URM1: variants seen among roughly 807,000 people sequenced by gnomAD.
URM1 encodes ubiquitin related modifier 1.
URM1 carries 11 observed loss-of-function variants against 17.7 expected under a neutral mutation model. The ratio of observed to expected loss-of-function variants is 0.62; its 90% CI spans 0.39 to 1.03. The LOEUF (loss-of-function observed/expected upper bound fraction) is 1.03, where lower values mean the gene tolerates loss of function less well. Among genes scored for constraint, URM1 ranks in the 50% least tolerant of loss-of-function variants. The pLI is 0.00. For synonymous variants in URM1, 48 were observed against 50.6 expected (o/e 0.95, Z 0.22); for missense variants, 128 against 129.2 (o/e 0.99, Z 0.04).
chr9:128,388,639 G>T (rs1201251338), intron 3 of URM1: 1 of 986,380 alleles, frequency 1.0e-6, no homozygotes, highest in Non-Finnish European at 1.2e-6. Context: ...GGCCAGCAGT[G>T]CTCCTTGGGC....
At chr9:128,377,916 C>T (rs1310294794) in intron 1 of URM1, 120 bp from the exon 2 acceptor site, 1 of 990,866 alleles carries the variant, frequency 1.0e-6, no homozygotes, top group Non-Finnish European at 1.6e-6. Flanking sequence ...GTTTCTGCAC[C>T]TTAGTCTCTG....
At chr9:128,377,209 C>T (rs1833089646) in intron 1 of URM1, among the ~76,000 whole-genome samples, 2 of 152,028 alleles carry the variant, frequency 1.3e-5, no homozygotes, top group South Asian at 4.2e-4. Context: ...TCCTACCTTG[C>T]CACATTAGAA....
Position 128,387,712 on chromosome 9 carries a change from C to T in URM1, c.107-104C>T. ...TATCACAGCCTGGTCTAAAAGAAGC[C>T]CTCTAAACACCGTGTGTATTTCCTT... On this transcript the variant is annotated intron_variant, in intron 2 of 4. Transcript: ENST00000372853. The surrounding 1 kb of genome is among the most constrained non-coding windows in gnomAD (Gnocchi z 4.3). 3 of 1,563,394 alleles carry T rather than the reference C, an allele frequency of 1.9e-6. No homozygotes were observed. Among genetic ancestry groups the T allele is most frequent in the African/African-American group, 2.7e-5 (2 of 74,020 alleles).
intron 3 of URM1, chr9:128,388,223 G>A: frequency 8.6e-7 from 1 of 1,160,062 alleles, no homozygotes; most frequent in Non-Finnish European, 1.1e-6. Flanking sequence ...AAAGTGCTGA[G>A]GAAAAAACGT....
intron 4 of URM1, 99 bp downstream of exon 4, chr9:128,389,408 T>C (rs370156931): frequency 6.2e-6 from 10 of 1,605,728 alleles, no homozygotes; most frequent in African/African-American, 2.7e-5. Context: ...AGTGGCTGGG[T>C]AATCCTCCGC....
intron 1 of URM1, among the ~76,000 whole-genome samples, chr9:128,372,123 T>G (rs1366116780): frequency 1.3e-5 from 2 of 152,216 alleles, no homozygotes; most frequent in African/African-American, 4.8e-5. Context: ...CCCAAGGCAC[T>G]ATTTGTGCTT....
intron 2 of URM1, among the ~76,000 whole-genome samples, chr9:128,384,570 T>A (rs1167832065): frequency 6.6e-6 from 1 of 152,180 alleles, no homozygotes; most frequent in Non-Finnish European, 1.5e-5. Flanking sequence ...GATTAATGGT[T>A]GGCTCTACCT....
chr9:128,371,627 A>C (rs1211682112), intron 1 of URM1, among the ~76,000 whole-genome samples: 1 of 152,058 alleles, frequency 6.6e-6, no homozygotes, highest in Non-Finnish European at 1.5e-5. Context: ...TTGGGAGGGA[A>C]ATGCTCTCTG....
At chr9:128,374,983 C>A (rs1242278978) in intron 1 of URM1, among the ~76,000 whole-genome samples, 1 of 152,222 alleles carries the variant, frequency 6.6e-6, no homozygotes, top group Non-Finnish European at 1.5e-5. Flanking sequence ...TTGGGAAGTC[C>A]TGTTTTTTTC....
rs534903316 is a variant in URM1 at position 128,372,210 on chromosome 9, C to G, written c.35+795C>G. Among the ~76,000 whole-genome samples, 42 of 152,054 alleles carry G rather than the reference C, an allele frequency of 2.8e-4. 1 individual carries two copies. Among genetic ancestry groups the G allele is most frequent in the Admixed American group, 2.0e-3 (30 of 15,270 alleles). On this transcript the variant is annotated intron_variant, in intron 1 of 4. Transcript: ENST00000372853. Reference sequence around the variant, plus strand: ...TTAGAGAGAAGGCAAAGAAACAGGCCTTGAAAGATGGGTGGTGTACTTTAC... The same window carrying G: ...TTAGAGAGAAGGCAAAGAAACAGGCGTTGAAAGATGGGTGGTGTACTTTAC...
At chr9:128,383,729 G>A (rs1036649594) in intron 2 of URM1, among the ~76,000 whole-genome samples, 2 of 152,110 alleles carry the variant, frequency 1.3e-5, no homozygotes, top group African/African-American at 2.4e-5. Context: ...GGTCTGTTAC[G>A]CCTGCGAGTC....
intron 2 of URM1, among the ~76,000 whole-genome samples, chr9:128,386,797 A>G (rs895574149): frequency 6.6e-6 from 1 of 152,222 alleles, no homozygotes; most frequent in Non-Finnish European, 1.5e-5. Flanking sequence ...TTAGTCCAGG[A>G]CAGCAGACCC....
intron 3 of URM1, 139 bp from the exon 4 acceptor site, chr9:128,389,122 C>A: frequency 6.8e-7 from 1 of 1,465,086 alleles, no homozygotes; most frequent in Non-Finnish European, 9.0e-7. Context: ...CCTCCCCTTC[C>A]TGGGATATCT....
Position 128,389,983 on chromosome 9 carries a change from G to A in URM1, c.*249G>A, listed in dbSNP as rs1223001934. 2 of 564,270 alleles carry A rather than the reference G, an allele frequency of 3.5e-6. No individual in the cohort carries two copies. Among genetic ancestry groups the A allele is most frequent in the Admixed American group, 6.7e-5 (2 of 29,972 alleles). 35.0% of individuals were successfully genotyped at this position (564,270 alleles called of 1,614,324 possible). On this transcript the variant is annotated 3_prime_UTR_variant, in exon 5 of 5. Coordinates refer to ENST00000372853, the MANE Select transcript of URM1 (RefSeq NM_030914.4). ...TTTTCCAGCAGCTGTGGTGGGGGAGGGTTCCCCTCCAGTTTGTCAAGAGTT... is the reference window on the plus strand; with the variant it reads ...TTTTCCAGCAGCTGTGGTGGGGGAGAGTTCCCCTCCAGTTTGTCAAGAGTT...
At chr9:128,378,176 G>A in intron 2 of URM1, 70 bp downstream of exon 2, 3 of 1,105,844 alleles carry the variant, frequency 2.7e-6, no homozygotes, top group Non-Finnish European at 4.0e-6. Flanking sequence ...GGAACACTCA[G>A]CCCCGTTCAG....
intron 1 of URM1, among the ~76,000 whole-genome samples, 162 bp downstream of exon 1, chr9:128,371,577 C>T (rs947127206): frequency 1.3e-5 from 2 of 152,226 alleles, no homozygotes; most frequent in South Asian, 4.1e-4. Flanking sequence ...GCCAGTCTCT[C>T]TTGGCAGTGA....
chr9:128,381,879 C>CT (rs1189276507), intron 2 of URM1, among the ~76,000 whole-genome samples: 1 of 152,252 alleles, frequency 6.6e-6, no homozygotes, highest in Non-Finnish European at 1.5e-5. Context: ...CTGAATTACT[C>CT]TAACATCTTA....
intron 2 of URM1, among the ~76,000 whole-genome samples, chr9:128,379,804 A>AAAAAAT (rs1554803285): frequency 7.9e-5 from 12 of 151,336 alleles, no homozygotes; most frequent in African/African-American, 2.7e-4. Flanking sequence ...CATCTCAAAA[A>AAAAAAT]AAAATAAAAT....
Position 128,383,809 on chromosome 9 carries a change from C to T in URM1, c.107-4007C>T, listed in dbSNP as rs1833191771. The stretch of plus-strand genomic sequence containing the variant: ...GGCTGAGGCTGACACCCTTTGGGGC[C>T]CTCCCACAGTGGGCAGTCAGTGTCC... On this transcript the variant is annotated intron_variant, in intron 2 of 4. Transcript: ENST00000372853. Among the ~76,000 whole-genome samples the T allele has an allele frequency of 2.0e-5, 3 of 152,306 alleles. No individual in the cohort carries two copies. The South Asian group carries it at 6.2e-4, about 32-fold the overall frequency.
Sources: allele counts gnomAD v4.1 joint callset (sites outside exome capture counted in the v4.1 genomes callset), GRCh38; gene constraint gnomAD v4.1.1; non-coding constraint Gnocchi (gnomAD v3.1); transcripts MANE v1.5; gene names NCBI Gene and HGNC (gene_info 2026-07-23, HGNC 2026-07-21).